The following TENM4 variants were observed in gnomAD, a reference collection of about 807,000 sequenced individuals.
TENM4 encodes the protein teneurin transmembrane protein 4.
TENM4 carries 82 observed loss-of-function variants against 243.3 expected under a neutral mutation model. The observed-to-expected ratio is 0.34, with a 90% CI of 0.28 to 0.40. The LOEUF (loss-of-function observed/expected upper bound fraction) is 0.40. Among genes scored for constraint, TENM4 ranks in the 10% least tolerant of loss-of-function variants. The pLI is 1.00. For missense variants in TENM4, 3,138 were observed against 3,673.3 expected (o/e 0.85, Z 3.77); for synonymous variants, 1,412 against 1,456.3 (o/e 0.97, Z 0.69).
intron 6 of TENM4, among the ~76,000 whole-genome samples, chr11:78,950,735 G>A (rs1857093583): frequency 6.6e-6 from 1 of 152,186 alleles, no homozygotes; most frequent in Non-Finnish European, 1.5e-5. Flanking sequence ...TACCACCAAT[G>A]ATGTAGGTAT....
chr11:79,176,634 C>G (rs1263846735), intron 3 of TENM4, among the ~76,000 whole-genome samples: 1 of 152,172 alleles, frequency 6.6e-6, no homozygotes, highest in African/African-American at 2.4e-5. Flanking sequence ...TAGTCTGCCT[C>G]CTTTTCCAAA....
intron 25 of TENM4, among the ~76,000 whole-genome samples, chr11:78,718,726 T>C (rs935094824): frequency 3.3e-5 from 5 of 152,226 alleles, no homozygotes; most frequent in South Asian, 2.1e-4. Context: ...ACAAATCTCA[T>C]TGAAAATCTC....
intron 6 of TENM4, among the ~76,000 whole-genome samples, chr11:78,968,034 T>G (rs1857472072): frequency 2.0e-5 from 3 of 152,214 alleles, no homozygotes. Context: ...TCTTTATGAA[T>G]GACGTGGTGC....
intron 10 of TENM4, among the ~76,000 whole-genome samples, chr11:78,859,651 C>T (rs984485718): frequency 6.6e-6 from 1 of 152,160 alleles, no homozygotes; most frequent in Non-Finnish European, 1.5e-5. Context: ...TCTTTCTCTC[C>T]CTCCACCTTT....
At chr11:79,218,007 TGCCTG>T (rs1378274714) in intron 2 of TENM4, among the ~76,000 whole-genome samples, 1 of 152,160 alleles carries the variant, frequency 6.6e-6, no homozygotes, top group African/African-American at 2.4e-5. Flanking sequence ...TGAGCCACCA[TGCCTG>T]GCCAGGGTAG....
intron 24 of TENM4, among the ~76,000 whole-genome samples, chr11:78,721,411 C>T (rs923553328): frequency 1.3e-5 from 2 of 152,198 alleles, no homozygotes; most frequent in South Asian, 2.1e-4. Flanking sequence ...TTCACGCGTG[C>T]GCCTTAGAGT....
intron 10 of TENM4, among the ~76,000 whole-genome samples, chr11:78,857,002 T>C (rs975104843): frequency 5.3e-5 from 8 of 152,150 alleles, no homozygotes; most frequent in African/African-American, 1.7e-4. Flanking sequence ...GACAGCTCTC[T>C]GGGGGCACCA....
chr11:78,858,222 A>G (rs941065505), intron 10 of TENM4, among the ~76,000 whole-genome samples: 3 of 152,192 alleles, frequency 2.0e-5, no homozygotes, highest in African/African-American at 7.2e-5. Context: ...TTGCAGCCTT[A>G]TAAGTCAGAG....
chr11:78,939,038 T>A (rs892652224), intron 6 of TENM4, among the ~76,000 whole-genome samples: 2 of 152,210 alleles, frequency 1.3e-5, no homozygotes, highest in Non-Finnish European at 2.9e-5. Context: ...TCTGTGCACA[T>A]ACAGCTCCCA....
chr11:78,883,522 C>T lies in TENM4; in HGVS notation c.1084+6263G>A, dbSNP rs146205750. Among the ~76,000 whole-genome samples the T allele has an allele frequency of 1.3e-3, 202 of 152,342 alleles. 2 individuals carry two copies. Among genetic ancestry groups the T allele is most frequent in the African/African-American group, 4.3e-3 (180 of 41,578 alleles). ...CTGGACCTGATGATACAGCAATCAG[C>T]AACCAGTGTCCTCTCAGGTCTTCAT... On this transcript the variant is annotated intron_variant, in intron 9 of 33. Transcript: ENST00000278550.
At chr11:79,276,862 C>T (rs780654006) in intron 2 of TENM4, among the ~76,000 whole-genome samples, 7 of 152,112 alleles carry the variant, frequency 4.6e-5, no homozygotes, top group African/African-American at 7.2e-5. Context: ...AAGGGGAGAC[C>T]TAGCCCAGCT....
chr11:79,276,878 G>A (rs1856065962), intron 2 of TENM4, among the ~76,000 whole-genome samples: 1 of 152,084 alleles, frequency 6.6e-6, no homozygotes, highest in Admixed American at 6.6e-5. Context: ...CAGCTGCTCT[G>A]CCCAATCCTG....
intron 7 of TENM4, among the ~76,000 whole-genome samples, chr11:78,893,712 A>C (rs1410104777): frequency 6.6e-6 from 1 of 150,498 alleles, no homozygotes; most frequent in African/African-American, 2.5e-5. Context: ...ACCCTAACTA[A>C]AATAGCTCCC....
At chr11:79,158,623 C>A (rs1862675087) in intron 3 of TENM4, among the ~76,000 whole-genome samples, 1 of 152,184 alleles carries the variant, frequency 6.6e-6, no homozygotes, top group South Asian at 2.1e-4. Context: ...AGAAGAATAT[C>A]ATTTCTCATT....
At chr11:78,903,694 C>G (rs1463457835) in intron 6 of TENM4, 171 bp from the exon 7 acceptor site, 16 of 1,072,090 alleles carry the variant, frequency 1.5e-5, no homozygotes, top group Non-Finnish European at 1.9e-5. Context: ...ACCTACCATT[C>G]TAGGTGCTAG....
intron 1 of TENM4, among the ~76,000 whole-genome samples, chr11:79,343,506 T>G (rs999772111): frequency 1.3e-5 from 2 of 152,140 alleles, no homozygotes; most frequent in Non-Finnish European, 2.9e-5. Flanking sequence ...CTTGTGAGCA[T>G]TAAAAAAGTA....
intron 10 of TENM4, 129 bp from the exon 11 acceptor site, chr11:78,856,307 G>T: frequency 1.2e-6 from 1 of 834,614 alleles, no homozygotes. Flanking sequence ...TCTGCTGTCA[G>T]CTTCCTCCCC....
At chr11:79,307,371 C>T (rs1213232066) in intron 1 of TENM4, among the ~76,000 whole-genome samples, 2 of 152,144 alleles carry the variant, frequency 1.3e-5, no homozygotes, top group Non-Finnish European at 2.9e-5. Flanking sequence ...TTCCACCGGC[C>T]GCACAAGCTA....
At chr11:79,053,182 T>A (rs767664603) in intron 6 of TENM4, among the ~76,000 whole-genome samples, 13 of 152,192 alleles carry the variant, frequency 8.5e-5, no homozygotes, top group Non-Finnish European at 1.5e-4. Flanking sequence ...AGTCAAAATT[T>A]GGCAGAGGCG....
Sources: allele counts gnomAD v4.1 joint callset (sites outside exome capture counted in the v4.1 genomes callset), GRCh38; gene constraint gnomAD v4.1.1; transcripts MANE v1.5; gene names NCBI Gene and HGNC (gene_info 2026-07-23, HGNC 2026-07-21).